SUPT16H: variants seen among roughly 807,000 people sequenced by gnomAD.
The protein encoded by SUPT16H is SPT16 homolog, facilitates chromatin remodeling subunit.
Under a neutral mutation model 136.2 loss-of-function variants are expected in SUPT16H, and 24 were observed. The ratio of observed to expected loss-of-function variants is 0.18; its 90% confidence interval spans 0.13 to 0.25. The LOEUF is 0.25. Among genes scored for constraint, SUPT16H ranks in the 10% least tolerant of loss-of-function variants. The pLI is 1.00. For synonymous variants in SUPT16H, 415 were observed against 428.2 expected, an observed-to-expected ratio of 0.97 and a Z score of 0.38; for missense variants, 623 against 1,270.2, an observed-to-expected ratio of 0.49 and a Z score of 7.74.
chr14:21,357,073 G>A (rs1273542316), intron 22 of SUPT16H, 124 bp downstream of exon 22: 3 of 1,034,832 alleles, frequency 2.9e-6, no homozygotes, highest in East Asian at 3.0e-5. Flanking sequence ...GTCCTGGTCT[G>A]TAACAACCAA....
chr14:21,365,887 G>A (rs1326775758), intron 8 of SUPT16H, among the ~76,000 whole-genome samples: 1 of 152,112 alleles, frequency 6.6e-6, no homozygotes, highest in Non-Finnish European at 1.5e-5. Context: ...AGGACTGCTT[G>A]AGCCCACGAG....
intron 19 of SUPT16H, 128 bp downstream of exon 19, chr14:21,359,356 A>G (rs1886502899): frequency 7.3e-6 from 10 of 1,367,120 alleles, no homozygotes; most frequent in East Asian, 4.8e-5. Context: ...TTGGCCTCCC[A>G]AAGTGCTGGG....
chr14:21,355,685 A>G (rs1156412254), intron 22 of SUPT16H, among the ~76,000 whole-genome samples: 1 of 152,102 alleles, frequency 6.6e-6, no homozygotes. Context: ...GTATTTAGAC[A>G]ATGCTCAAAT....
intron 7 of SUPT16H, among the ~76,000 whole-genome samples, 189 bp from the exon 8 acceptor site, chr14:21,366,718 C>T (rs1325484596): frequency 3.4e-5 from 5 of 148,610 alleles, no homozygotes; most frequent in East Asian, 2.0e-4. Context: ...AGCATGATTA[C>T]GGATCACTGC....
chr14:21,353,943 A>C (rs1886376048), intron 23 of SUPT16H, 111 bp from the exon 24 acceptor site: 2 of 1,022,054 alleles, frequency 2.0e-6, no homozygotes, highest in East Asian at 5.1e-5. Flanking sequence ...AAACAAGAGC[A>C]AAATAATCTG....
At chr14:21,360,803 T>A (rs1886534853) in intron 17 of SUPT16H, 43 bp downstream of exon 17, 2 of 1,579,966 alleles carry the variant, frequency 1.3e-6, no homozygotes, top group South Asian at 1.2e-5. Flanking sequence ...CTAACAAATG[T>A]GCCCTGAAGA....
intron 1 of SUPT16H, 90 bp from the exon 2 acceptor site, chr14:21,373,520 T>C: frequency 1.0e-6 from 1 of 981,734 alleles, no homozygotes; most frequent in Admixed American, 1.7e-5. Context: ...GGCATAATTT[T>C]CTCCTGATAG....
chr14:21,369,621 T>C, intron 5 of SUPT16H, 129 bp downstream of exon 5: 1 of 1,233,950 alleles, frequency 8.1e-7, no homozygotes, highest in Non-Finnish European at 1.1e-6. Flanking sequence ...AGGGAGATGA[T>C]GTAATTACCA....
chr14:21,365,485 A>C (rs1886645992), intron 8 of SUPT16H, among the ~76,000 whole-genome samples: 1 of 152,230 alleles, frequency 6.6e-6, no homozygotes, highest in South Asian at 2.1e-4. Context: ...TTACTAAGAC[A>C]GTAATTACTA....
At chr14:21,367,161 G>T (rs1248184573) in intron 7 of SUPT16H, among the ~76,000 whole-genome samples, 1 of 152,166 alleles carries the variant, frequency 6.6e-6, no homozygotes, top group Non-Finnish European at 1.5e-5. Flanking sequence ...GGATGGTCCT[G>T]ACCTCATGAT....
At chr14:21,364,800 A>G (rs1187480941) in intron 10 of SUPT16H, 27 bp downstream of exon 10, 1 of 1,596,632 alleles carries the variant, frequency 6.3e-7, no homozygotes, top group Non-Finnish European at 8.6e-7. Flanking sequence ...GTTCATGAAG[A>G]CTCCAAAGTT....
rs1887087334 is a variant in SUPT16H at position 21,383,499 on chromosome 14, G to C, written c.66+363C>G. On this transcript the variant is annotated intron_variant, in intron 1 of 25. Transcript: ENST00000216297. ...CCAGGGGTGGAATATTGTGGTTCTG[G>C]AGGGACAGAGCGAGTGCGTGAGAAC... The C allele has an allele frequency of 3.3e-6, 2 of 614,346 alleles. 1 individual carries two copies. The highest frequency in any genetic ancestry group is 3.7e-5 in the South Asian group (2 of 53,668). The allele number at this position is 614,346 out of a possible 1,614,324, so 38.1% of individuals were successfully genotyped here.
chr14:21,362,120 G>T, intron 15 of SUPT16H, 77 bp downstream of exon 15: 1 of 1,515,970 alleles, frequency 6.6e-7, no homozygotes, highest in Non-Finnish European at 8.9e-7. Flanking sequence ...GGAAAATGTA[G>T]CACAGACAAT....
In SUPT16H at chr14:21,383,995, C is replaced by G; in HGVS notation, c.-68G>C. 9 of 1,588,082 alleles carry G rather than the reference C, an allele frequency of 5.7e-6. No individual in the cohort carries two copies. The highest frequency in any genetic ancestry group is 7.8e-6 in the Non-Finnish European group (9 of 1,158,194). On this transcript the variant is annotated 5_prime_UTR_variant, in exon 1 of 26. Transcript: ENST00000216297. ...AGGTCCCGGCTCAGCCACCCGCTCT[C>G]GGCCCAGGAATCCCGCACTCTCCCA...
chr14:21,381,230 G>C (rs1394024558), intron 1 of SUPT16H, among the ~76,000 whole-genome samples: 1 of 152,058 alleles, frequency 6.6e-6, no homozygotes, highest in East Asian at 1.9e-4. Context: ...TTTCTATTCA[G>C]TTAAAAGTAC....
chr14:21,354,644 T>G (rs1174027187), intron 22 of SUPT16H, 104 bp from the exon 23 acceptor site: 3 of 1,425,708 alleles, frequency 2.1e-6, no homozygotes, highest in Non-Finnish European at 9.4e-7. Flanking sequence ...CAGGCTGGAG[T>G]GCAGTGGCAC....
Position 21,365,163 on chromosome 14 carries a change from C to CATCA in SUPT16H, c.1047-24_1047-21dup. On this transcript the variant is annotated intron_variant, in intron 8 of 25. Coordinates refer to ENST00000216297, the MANE Select transcript of SUPT16H (RefSeq NM_007192.4). ...CCAAACCTGAAAAGAAACAGATAAACATCAGCAAAAGGCTAAAGATCTCTA... is the reference window on the plus strand; with the variant it reads ...CCAAACCTGAAAAGAAACAGATAAACATCAATCAGCAAAAGGCTAAAGATCTCTA... The CATCA allele has an allele frequency of 6.2e-7, 1 of 1,609,272 alleles. No individual in the cohort carries two copies. Among genetic ancestry groups the CATCA allele is most frequent in the Non-Finnish European group, 8.5e-7 (1 of 1,176,454 alleles).
chr14:21,358,202 A>G (rs1006082149), intron 20 of SUPT16H, 113 bp downstream of exon 20: 2 of 830,206 alleles, frequency 2.4e-6, no homozygotes, highest in African/African-American at 3.5e-5. Context: ...CTCAAAGATT[A>G]TTAGTCATAG....
chr14:21,354,908 T>C, intron 22 of SUPT16H: 1 of 179,358 alleles, frequency 5.6e-6, no homozygotes. Context: ...CAGATATTCT[T>C]TGCACTATGC....
Sources: allele counts gnomAD v4.1 joint callset (sites outside exome capture counted in the v4.1 genomes callset), GRCh38; gene constraint gnomAD v4.1.1; transcripts MANE v1.5; gene names NCBI Gene and HGNC (gene_info 2026-07-23, HGNC 2026-07-21).